The following PHF21B variants were observed in gnomAD, a reference collection of about 807,000 sequenced individuals.
PHF21B encodes PHD finger protein 4.
PHF21B carries 22 observed loss-of-function variants against 62.2 expected under a neutral mutation model. That is an observed-to-expected ratio of 0.35 (90% CI 0.25 to 0.51). PHF21B has a LOEUF of 0.51. Ranked by LOEUF, PHF21B falls within the 20% of genes least tolerant of loss-of-function variation. The probability of loss-of-function intolerance (pLI) is 0.97; values close to 1 mark genes in which losing one functional copy is unlikely to be tolerated. For synonymous variants in PHF21B, 341 were observed against 314.7 expected (o/e 1.08, Z -0.88); for missense variants, 701 against 707.9 (o/e 0.99, Z 0.11).
intron 2 of PHF21B, among the ~76,000 whole-genome samples, chr22:45,007,618 C>A (rs1263932128): frequency 2.8e-5 from 4 of 145,292 alleles, no homozygotes; most frequent in African/African-American, 1.0e-4. Flanking sequence ...CCCCCGTGCC[C>A]GCCACAGCGG....
At position 44,953,350 on chromosome 22, in the gene PHF21B, C is replaced by T. The variant is rs568327299; in HGVS notation, c.121-32860G>A. ...CAGCAATTCCTGTCTTTGAAGCTCC[C>T]GTGAGTGCCCCTCCCTACCCCTCCC... On this transcript the variant is annotated intron_variant, in intron 2 of 12. Transcript: ENST00000313237. Among the ~76,000 whole-genome samples the T allele has an allele frequency of 5.9e-5, 9 of 152,314 alleles. No individual in the cohort carries two copies. The East Asian group carries it at 1.4e-3, about 23-fold the overall frequency.
intron 10 of PHF21B, 140 bp from the exon 11 acceptor site, chr22:44,886,078 G>T: frequency 1.4e-6 from 1 of 694,170 alleles, no homozygotes; most frequent in Non-Finnish European, 2.4e-6. Context: ...AGCTGGGGCC[G>T]CACATGCCTC....
At chr22:44,889,903 C>G in intron 8 of PHF21B, 121 bp from the exon 9 acceptor site, 1 of 1,049,972 alleles carries the variant, frequency 9.5e-7, no homozygotes, top group Non-Finnish European at 1.3e-6. Context: ...ATGGGAGCAT[C>G]ATAAGGCCCC....
At chr22:45,004,623 G>C (rs2073281123) in intron 2 of PHF21B, among the ~76,000 whole-genome samples, 3 of 152,174 alleles carry the variant, frequency 2.0e-5, no homozygotes, top group African/African-American at 7.2e-5. Flanking sequence ...GAGTAAGCTT[G>C]GGAGGAGAGT....
At chr22:44,936,741 C>CT (rs139983898) in intron 2 of PHF21B, among the ~76,000 whole-genome samples, 3 of 152,056 alleles carry the variant, frequency 2.0e-5, no homozygotes, top group African/African-American at 7.2e-5. Context: ...TTTCTTTTTA[C>CT]TTTTTTTATT....
intron 2 of PHF21B, among the ~76,000 whole-genome samples, chr22:44,934,242 C>T (rs573064450): frequency 3.3e-5 from 5 of 152,336 alleles, no homozygotes; most frequent in African/African-American, 4.8e-5. Flanking sequence ...ACCTGCACCT[C>T]ACCCACCTGC....
At chr22:44,984,161 CCACCAT>C (rs2072899311) in intron 2 of PHF21B, among the ~76,000 whole-genome samples, 3 of 148,732 alleles carry the variant, frequency 2.0e-5, no homozygotes, top group Non-Finnish European at 4.5e-5. Flanking sequence ...ACCACCATCA[CCACCAT>C]CATCACCATC....
chr22:44,955,852 G>A (rs2072285543), intron 2 of PHF21B, among the ~76,000 whole-genome samples: 1 of 152,200 alleles, frequency 6.6e-6, no homozygotes, highest in South Asian at 2.1e-4. Flanking sequence ...GGCGAGCCCT[G>A]ACTGATGTGG....
At chr22:44,955,679 C>G (rs888182051) in intron 2 of PHF21B, among the ~76,000 whole-genome samples, 1 of 152,214 alleles carries the variant, frequency 6.6e-6, no homozygotes, top group African/African-American at 2.4e-5. Flanking sequence ...CCACCAGACC[C>G]TCAGGCCTTA....
intron 2 of PHF21B, among the ~76,000 whole-genome samples, chr22:44,956,769 TCCA>T: frequency 6.6e-6 from 1 of 152,122 alleles, no homozygotes; most frequent in South Asian, 2.1e-4. Context: ...GTTTCTGGAA[TCCA>T]CTTTGGAAAC....
intron 5 of PHF21B, among the ~76,000 whole-genome samples, chr22:44,908,088 C>A (rs957366266): frequency 1.3e-5 from 2 of 152,210 alleles, no homozygotes; most frequent in Non-Finnish European, 2.9e-5. Flanking sequence ...TATCGGGCAG[C>A]CTCTTCACGA....
Position 45,001,634 on chromosome 22 carries a change from A to G in PHF21B, c.120+6911T>C, listed in dbSNP as rs575451303. Among the ~76,000 whole-genome samples, 7 of 152,348 alleles carry G rather than the reference A, an allele frequency of 4.6e-5. No individual in the cohort carries two copies. The South Asian group carries it at 1.4e-3, about 32-fold the overall frequency. On this transcript the variant is annotated intron_variant, in intron 2 of 12. Transcript: ENST00000313237. ...GTAAAGCCTTATAGAGTGAGATGTC[A>G]CCGTCACTCACAACATACCGCTCCA...
At chr22:44,963,566 A>T (rs577594267) in intron 2 of PHF21B, among the ~76,000 whole-genome samples, 1 of 152,238 alleles carries the variant, frequency 6.6e-6, no homozygotes, top group African/African-American at 2.4e-5. Context: ...CTGAAGGACG[A>T]AAGAAGAGAA....
At chr22:44,979,192 C>T (rs1345779941) in intron 2 of PHF21B, among the ~76,000 whole-genome samples, 1 of 152,254 alleles carries the variant, frequency 6.6e-6, no homozygotes, top group Non-Finnish European at 1.5e-5. Flanking sequence ...GTGGAGGATC[C>T]TCCTGCTGGC....
At chr22:45,005,417 T>C (rs2073297175) in intron 2 of PHF21B, among the ~76,000 whole-genome samples, 1 of 152,238 alleles carries the variant, frequency 6.6e-6, no homozygotes, top group South Asian at 2.1e-4. Context: ...AGGTCCTATG[T>C]AAACTCACTT....
intron 2 of PHF21B, chr22:44,971,225 T>G (rs78518270): frequency 6.6e-6 from 1 of 152,238 alleles, no homozygotes; most frequent in African/African-American, 2.4e-5. Context: ...ATCACCATCA[T>G]GGGCCCCTGG....
At chr22:44,911,193 A>C (rs537862884) in intron 5 of PHF21B, among the ~76,000 whole-genome samples, 1 of 152,234 alleles carries the variant, frequency 6.6e-6, no homozygotes, top group Admixed American at 6.5e-5. Flanking sequence ...AAAGGCATTC[A>C]GTTTTAAAAG....
chr22:44,888,055 T>A lies in PHF21B; in HGVS notation c.1105A>T (p.Thr369Ser). The change falls in exon 10 of 13, where the codon ACC becomes TCC. Residue 369 changes from threonine to serine, a missense_variant. By Grantham distance (58) the Thr-to-Ser change is moderately conservative. Transcript: ENST00000313237. Reference sequence around the variant, plus strand: ...CTGAGGTGGTAGGCCCCCGGGCAGGTGCCGCAGGGCTGCAGGTTGGCCCCT... The same window carrying A: ...CTGAGGTGGTAGGCCCCCGGGCAGGAGCCGCAGGGCTGCAGGTTGGCCCCT... Reference protein sequence around the residue: ...KRGANLQPCGTCPGAYHLSCL... With the variant: ...KRGANLQPCGSCPGAYHLSCL... 1 of 1,551,926 alleles carries A rather than the reference T, an allele frequency of 6.4e-7. No homozygotes were observed. Among genetic ancestry groups the A allele is most frequent in the African/African-American group, 1.4e-5 (1 of 73,644 alleles).
intron 6 of PHF21B, among the ~76,000 whole-genome samples, chr22:44,895,455 G>A (rs532464207): frequency 4.6e-5 from 7 of 152,254 alleles, no homozygotes; most frequent in South Asian, 4.2e-4. Context: ...CAATTTTCAC[G>A]GACACATTTG....
Sources: allele counts gnomAD v4.1 joint callset (sites outside exome capture counted in the v4.1 genomes callset), GRCh38; gene constraint gnomAD v4.1.1; transcripts MANE v1.5; gene names NCBI Gene and HGNC (gene_info 2026-07-23, HGNC 2026-07-21).